The following NRG3 variants were observed in gnomAD, a reference collection of about 807,000 sequenced individuals.
NRG3 encodes the protein neuregulin 3.
A neutral mutation model predicts 66.9 loss-of-function variants in NRG3; 31 were observed. The observed-to-expected ratio is 0.46, with a 90% CI of 0.35 to 0.63. The LOEUF (loss-of-function observed/expected upper bound fraction) is 0.63. Ranked by LOEUF, NRG3 falls within the 20% of genes least tolerant of loss-of-function variation. The probability of loss-of-function intolerance (pLI) is 0.00; values close to 1 mark genes in which losing one functional copy is unlikely to be tolerated. For synonymous variants in NRG3, 393 were observed against 359.4 expected (o/e 1.09, Z -1.06); for missense variants, 910 against 878.9 (o/e 1.04, Z -0.45).
chr10:82,253,531 G>A (rs1828426792), intron 1 of NRG3, among the ~76,000 whole-genome samples: 1 of 152,036 alleles, frequency 6.6e-6, no homozygotes, highest in Non-Finnish European at 1.5e-5. Flanking sequence ...CTTATAAATA[G>A]CTCTTCTCCA....
chr10:82,398,522 TGTGTGA>T (rs756932489), intron 2 of NRG3, among the ~76,000 whole-genome samples: 9 of 142,044 alleles, frequency 6.3e-5, no homozygotes, highest in African/African-American at 2.4e-4. Flanking sequence ...TGTGTGTGTG[TGTGTGA>T]GAGAGAGAGA....
chr10:82,985,600 A>G lies in NRG3; in HGVS notation c.2086A>G (p.Lys696Glu). The change falls in exon 9 of 9, where the codon AAG becomes GAG. Residue 696 changes from lysine to glutamate, a missense_variant. By Grantham distance (56) the Lys-to-Glu change is moderately conservative (BLOSUM62 1). Transcript: ENST00000372141. ...NEIQRDSALT[K>E] ...AATACAAAGAGACTCTGCATTGACC[A>G]AGTGACTTGAGATGTAGGAATCTGT... 2.5e-6 allele frequency: 4 copies of G among 1,609,766 alleles called. No homozygotes were observed. Among genetic ancestry groups the G allele is most frequent in the Non-Finnish European group, 3.4e-6 (4 of 1,179,442 alleles).
At chr10:82,420,368 A>G (rs1195761711) in intron 2 of NRG3, among the ~76,000 whole-genome samples, 1 of 152,176 alleles carries the variant, frequency 6.6e-6, no homozygotes, top group Non-Finnish European at 1.5e-5. Flanking sequence ...ACTACATTTT[A>G]ATGCTCATCA....
chr10:82,696,529 G>A (rs527508542), intron 2 of NRG3, among the ~76,000 whole-genome samples: 2 of 152,200 alleles, frequency 1.3e-5, no homozygotes, highest in African/African-American at 2.4e-5. Flanking sequence ...GCTGATTTCC[G>A]TATTGTCTAG....
chr10:82,155,952 C>T (rs946028750), intron 1 of NRG3, among the ~76,000 whole-genome samples: 4 of 151,514 alleles, frequency 2.6e-5, no homozygotes, highest in Non-Finnish European at 5.9e-5. Flanking sequence ...GAAAACATAT[C>T]GATTATTTTC....
chr10:82,751,108 C>A (rs917170619), intron 3 of NRG3, among the ~76,000 whole-genome samples: 25 of 152,120 alleles, frequency 1.6e-4, no homozygotes, highest in African/African-American at 6.0e-4. Flanking sequence ...TTAGAACCAG[C>A]ACTGGATCTT....
intron 1 of NRG3, among the ~76,000 whole-genome samples, chr10:82,277,657 T>C (rs1326772242): frequency 6.6e-6 from 1 of 152,088 alleles, no homozygotes; most frequent in Non-Finnish European, 1.5e-5. Context: ...GAGAATATTG[T>C]ATCCTATTGC....
At chr10:82,608,451 A>G (rs1328100406) in intron 2 of NRG3, among the ~76,000 whole-genome samples, 2 of 151,414 alleles carry the variant, frequency 1.3e-5, no homozygotes, top group African/African-American at 4.9e-5. Flanking sequence ...TGGATCTTTG[A>G]TTTTGTTTCT....
intron 1 of NRG3, among the ~76,000 whole-genome samples, chr10:82,321,304 G>GGGGC (rs928405970): frequency 6.2e-5 from 9 of 144,166 alleles, no homozygotes; most frequent in African/African-American, 2.4e-4. Context: ...GCAGGGGTGG[G>GGGGC]GGTGGGGGTC....
At chr10:82,521,940 A>C (rs935949046) in intron 2 of NRG3, among the ~76,000 whole-genome samples, 22 of 152,148 alleles carry the variant, frequency 1.4e-4, no homozygotes, top group African/African-American at 4.1e-4. Context: ...AAGTTTTATC[A>C]ATGGGATTGC....
intron 3 of NRG3, among the ~76,000 whole-genome samples, chr10:82,864,909 A>G (rs1183387156): frequency 6.6e-6 from 1 of 152,152 alleles, no homozygotes; most frequent in Non-Finnish European, 1.5e-5. Flanking sequence ...GAGAGAGAGA[A>G]AAAAGTCCAA....
At chr10:82,231,388 A>G (rs575356421) in intron 1 of NRG3, among the ~76,000 whole-genome samples, 1 of 152,252 alleles carries the variant, frequency 6.6e-6, no homozygotes, top group African/African-American at 2.4e-5. Flanking sequence ...ATTGTATTTA[A>G]AAGGTAACAA....
rs183401460 is a variant in NRG3 at position 82,207,277 on chromosome 10, G to A, written c.824-151462G>A. Among the ~76,000 whole-genome samples, 13 of 152,076 alleles carry A rather than the reference G, an allele frequency of 8.5e-5. No homozygotes were observed. The East Asian group carries it at 1.4e-3, about 16-fold the overall frequency. ...TTTTTTAGTGTTATCTATTTTTGTC[G>A]ATAGAAAAATAAATCCCAAAATCCA... is the stretch of plus-strand genomic sequence containing the variant. On this transcript the variant is annotated intron_variant, in intron 1 of 8. Coordinates refer to ENST00000372141, the MANE Select transcript of NRG3 (RefSeq NM_001010848.4).
At chr10:82,599,553 G>A (rs962151369) in intron 2 of NRG3, among the ~76,000 whole-genome samples, 13 of 152,176 alleles carry the variant, frequency 8.5e-5, no homozygotes, top group African/African-American at 2.9e-4. Context: ...CGGGGCTCAC[G>A]CCTGTAATCT....
intron 1 of NRG3, among the ~76,000 whole-genome samples, chr10:82,264,477 T>C (rs1022116295): frequency 2.7e-5 from 4 of 150,848 alleles, no homozygotes; most frequent in African/African-American, 9.7e-5. Context: ...ATTATTACAA[T>C]TGAAGGTGAG....
chr10:82,039,131 T>G (rs997705320), intron 1 of NRG3, among the ~76,000 whole-genome samples: 6 of 152,124 alleles, frequency 3.9e-5, no homozygotes, highest in Non-Finnish European at 8.8e-5. Flanking sequence ...CAGCTTAAAC[T>G]CCTGGAAAAG....
Position 82,844,927 on chromosome 10 carries a change from G to T in NRG3, c.1028-20484G>T, listed in dbSNP as rs144141267. Reference sequence around the variant, plus strand: ...CCCAACACTTTGGGAGGCTGAGGCCGGCGGATCACTTGAGGTCAGGAGCTT... The same window carrying T: ...CCCAACACTTTGGGAGGCTGAGGCCTGCGGATCACTTGAGGTCAGGAGCTT... On this transcript the variant is annotated intron_variant, in intron 3 of 8. Coordinates refer to ENST00000372141, the MANE Select transcript of NRG3 (RefSeq NM_001010848.4). Among the ~76,000 whole-genome samples the T allele has an allele frequency of 5.3e-3, 808 of 152,254 alleles. 7 individuals are homozygous for T. The highest frequency in any genetic ancestry group is 0.018 in the African/African-American group (755 of 41,558).
At chr10:82,245,065 A>T (rs188371476) in intron 1 of NRG3, among the ~76,000 whole-genome samples, 273 of 152,220 alleles carry the variant, frequency 1.8e-3, no homozygotes, top group African/African-American at 6.2e-3. Flanking sequence ...TATTTATATT[A>T]TCATTACATT....
intron 1 of NRG3, among the ~76,000 whole-genome samples, chr10:82,171,086 T>C (rs1371359149): frequency 6.6e-6 from 1 of 152,032 alleles, no homozygotes; most frequent in Non-Finnish European, 1.5e-5. Flanking sequence ...TTTCATTTTC[T>C]TTTCCTCCCA....
Sources: gnomAD v4.1 joint callset for allele counts (sites outside exome capture counted in the v4.1 genomes callset) on GRCh38, gnomAD v4.1.1 for gene constraint, MANE v1.5 for transcripts, NCBI Gene and HGNC (gene_info 2026-07-23, HGNC 2026-07-21) for gene names.